The following EXOC4 variants were observed in gnomAD, a reference collection of about 807,000 sequenced individuals.
The protein encoded by EXOC4 is SEC8-like 1.
A neutral mutation model predicts 107.2 loss-of-function variants in EXOC4; 71 were observed. The observed-to-expected ratio is 0.66, with a 90% confidence interval of 0.55 to 0.81. EXOC4 has a LOEUF of 0.81. Ranked by LOEUF, EXOC4 falls within the 30% of genes least tolerant of loss-of-function variation. The pLI, the probability that EXOC4 is intolerant of heterozygous loss-of-function variation, is 0.00. For synonymous variants in EXOC4, 456 were observed against 441.2 expected (o/e 1.03, Z -0.42); for missense variants, 1,108 against 1,189.6 (o/e 0.93, Z 1.01).
intron 17 of EXOC4, among the ~76,000 whole-genome samples, chr7:134,054,486 TC>T (rs1448292594): frequency 1.3e-5 from 2 of 152,200 alleles, no homozygotes; most frequent in Non-Finnish European, 2.9e-5. Context: ...ATTTTTCCTT[TC>T]TTGTTGCCAT....
intron 11 of EXOC4, among the ~76,000 whole-genome samples, chr7:133,823,886 ATATATATTT>A (rs1335048112): frequency 4.4e-5 from 1 of 22,688 alleles, no homozygotes; most frequent in African/African-American, 5.9e-4. Context: ...ATATATATAT[ATATATATTT>A]TATATATATA....
At chr7:133,256,200 T>C (rs1423697273) in intron 1 of EXOC4, among the ~76,000 whole-genome samples, 1 of 152,128 alleles carries the variant, frequency 6.6e-6, no homozygotes, top group Admixed American at 6.5e-5. Flanking sequence ...CCAGGATGGT[T>C]TTGATCTCCT....
intron 10 of EXOC4, among the ~76,000 whole-genome samples, chr7:133,648,191 G>C (rs1055357554): frequency 5.9e-5 from 9 of 152,044 alleles, no homozygotes; most frequent in Non-Finnish European, 1.2e-4. Flanking sequence ...CACAGATTAG[G>C]GTTGCCTCTA....
intron 6 of EXOC4, among the ~76,000 whole-genome samples, chr7:133,364,219 C>T (rs370243997): frequency 2.8e-4 from 42 of 151,986 alleles, no homozygotes; most frequent in Non-Finnish European, 4.6e-4. Context: ...GCCTTGACCC[C>T]CCCTGGGCTC....
intron 2 of EXOC4, among the ~76,000 whole-genome samples, chr7:133,284,373 T>C (rs1485756025): frequency 1.3e-5 from 2 of 152,136 alleles, no homozygotes; most frequent in Non-Finnish European, 2.9e-5. Context: ...CTGAGAACTA[T>C]AGTAGCAAGG....
intron 9 of EXOC4, among the ~76,000 whole-genome samples, chr7:133,588,928 A>ATG (rs1435127664): frequency 6.6e-6 from 1 of 151,370 alleles, no homozygotes; most frequent in Non-Finnish European, 1.5e-5. Context: ...ATGTGTGTAT[A>ATG]TGTGTGTGTG....
intron 9 of EXOC4, among the ~76,000 whole-genome samples, chr7:133,481,366 A>G (rs2150861413): frequency 7.3e-6 from 1 of 137,420 alleles, no homozygotes; most frequent in East Asian, 2.2e-4. Flanking sequence ...GCTTTTCTCC[A>G]TGAGGGATGG....
intron 6 of EXOC4, among the ~76,000 whole-genome samples, chr7:133,358,849 TAATAGA>T (rs1796080111): frequency 6.6e-6 from 1 of 152,046 alleles, no homozygotes; most frequent in African/African-American, 2.4e-5. Context: ...ACTAGAAGTA[TAATAGA>T]AATTCAGCAC....
chr7:133,788,347 A>G lies in EXOC4; in HGVS notation c.1515-28978A>G, dbSNP rs1395044761. ...TTTCATGTCTCCACTTAGATGTCTAATCAGTATCTTAAACTCCACTTTCCA... is the reference window on the plus strand; with the variant it reads ...TTTCATGTCTCCACTTAGATGTCTAGTCAGTATCTTAAACTCCACTTTCCA... On this transcript the variant is annotated intron_variant, in intron 10 of 17. Transcript: ENST00000253861. Among the ~76,000 whole-genome samples, 5 of 151,980 alleles carry G rather than the reference A, an allele frequency of 3.3e-5. No individual in the cohort carries two copies. The East Asian group carries it at 9.7e-4, about 30-fold the overall frequency.
At chr7:133,648,536 G>A (rs1451936581) in intron 10 of EXOC4, among the ~76,000 whole-genome samples, 1 of 152,058 alleles carries the variant, frequency 6.6e-6, no homozygotes, top group Non-Finnish European at 1.5e-5. Flanking sequence ...ATCCCCCAAT[G>A]TACGATATAT....
rs115601028 is a variant in EXOC4, at chr7:133,970,853, A to G, written c.2207-26639A>G. Among the ~76,000 whole-genome samples the G allele has an allele frequency of 2.6e-3, 382 of 148,856 alleles. 1 individual carries two copies. Among genetic ancestry groups the G allele is most frequent in the African/African-American group, 9.2e-3 (367 of 39,876 alleles). On this transcript the variant is annotated intron_variant, in intron 14 of 17. Transcript: ENST00000253861. ...CTTCACTGCTTCAAGATGGTGAGCT[A>G]TAGAGTCACCAGGAAACTGCAGGTT...
chr7:133,822,295 C>CA (rs1797539695), intron 11 of EXOC4, among the ~76,000 whole-genome samples: 1 of 152,108 alleles, frequency 6.6e-6, no homozygotes, highest in South Asian at 2.1e-4. Context: ...CATGAGGAGA[C>CA]AGACGGAACT....
At chr7:133,377,945 TAG>T (rs1796525327) in intron 7 of EXOC4, among the ~76,000 whole-genome samples, 1 of 152,110 alleles carries the variant, frequency 6.6e-6, no homozygotes, top group Non-Finnish European at 1.5e-5. Flanking sequence ...GAAGCTGAAA[TAG>T]AGACATTTTC....
intron 9 of EXOC4, among the ~76,000 whole-genome samples, chr7:133,576,305 A>T (rs1374910469): frequency 6.6e-6 from 1 of 152,168 alleles, no homozygotes. Context: ...GCCTAGAATG[A>T]TAATATTAGG....
At chr7:133,794,135 C>T (rs952370016) in intron 10 of EXOC4, among the ~76,000 whole-genome samples, 3 of 152,164 alleles carry the variant, frequency 2.0e-5, no homozygotes, top group African/African-American at 4.8e-5. Context: ...TTTTTTGCTA[C>T]TAAGTGGTTT....
At chr7:133,430,386 A>G (rs1797830208) in intron 7 of EXOC4, among the ~76,000 whole-genome samples, 1 of 152,144 alleles carries the variant, frequency 6.6e-6, no homozygotes, top group South Asian at 2.1e-4. Context: ...CTTCTCATTT[A>G]GGGCTGTGGT....
intron 17 of EXOC4, among the ~76,000 whole-genome samples, chr7:134,042,430 A>G (rs1447578546): frequency 6.6e-6 from 1 of 152,184 alleles, no homozygotes; most frequent in Non-Finnish European, 1.5e-5. Flanking sequence ...GCTCTTGTCA[A>G]AAGCACTTTT....
At chr7:134,010,163 C>T (rs1794730987) in intron 17 of EXOC4, 1 of 152,202 alleles carries the variant, frequency 6.6e-6, no homozygotes, top group South Asian at 2.1e-4. Flanking sequence ...TAAGACTAAG[C>T]TCCAAGAGGC....
chr7:134,011,957 C>T (rs1157207641), intron 17 of EXOC4, among the ~76,000 whole-genome samples: 2 of 151,748 alleles, frequency 1.3e-5, no homozygotes, highest in East Asian at 1.9e-4. Flanking sequence ...AGGGAAAGAG[C>T]GTACCAGGAA....
Sources: gnomAD v4.1 joint callset for allele counts (sites outside exome capture counted in the v4.1 genomes callset) on GRCh38, gnomAD v4.1.1 for gene constraint, MANE v1.5 for transcripts, NCBI Gene and HGNC (gene_info 2026-07-23, HGNC 2026-07-21) for gene names.